TMEM135: variants seen among roughly 807,000 people sequenced by gnomAD.
The protein encoded by TMEM135 is peroxisomal membrane protein 52.
Under a neutral mutation model 60.3 loss-of-function variants are expected in TMEM135, and 30 were observed. That is an observed-to-expected ratio of 0.50 (90% CI 0.37 to 0.68). The LOEUF is 0.68. Among genes scored for constraint, TMEM135 ranks in the 30% least tolerant of loss-of-function variants. TMEM135 has a pLI of 0.00. For missense variants in TMEM135, 468 were observed against 548.8 expected (o/e 0.85, Z 1.47); for synonymous variants, 190 against 186.7 (o/e 1.02, Z -0.14).
At chr11:87,127,878 GA>G (rs5793239) in intron 4 of TMEM135, among the ~76,000 whole-genome samples, 72,506 of 151,814 alleles carry the variant, frequency 0.48, 17,596 homozygotes, top group East Asian at 0.67. Flanking sequence ...GTTATTGAAT[GA>G]AAAAAAATGC....
rs1026222945 is a variant in TMEM135 at position 87,305,804 on chromosome 11, T to TAAATAAATAAAGAAAGAAAG, written c.699-129_699-128insTAAATAAAGAAAGAAAGAAA. 206 of 412,432 alleles carry TAAATAAATAAAGAAAGAAAG rather than the reference T, an allele frequency of 5.0e-4. 1 individual carries two copies. Among genetic ancestry groups the TAAATAAATAAAGAAAGAAAG allele is most frequent in the South Asian group, 2.5e-3 (45 of 17,676 alleles). 25.5% of individuals were successfully genotyped at this position (412,432 alleles called of 1,614,324 possible). A position where few individuals can be genotyped will look rare whatever the true frequency, so the allele number is the denominator to read the frequency against. ...ATAAATAAATAAATAAATAAATAAA[T>TAAATAAATAAAGAAAGAAAG]AAAGTGATGTTTTCTTCTCTCTCTT... On this transcript the variant is annotated intron_variant, in intron 8 of 14. Coordinates refer to ENST00000305494, the MANE Select transcript of TMEM135 (RefSeq NM_022918.4).
intron 6 of TMEM135, among the ~76,000 whole-genome samples, chr11:87,245,161 T>C (rs1460970418): frequency 6.7e-6 from 1 of 149,534 alleles, no homozygotes; most frequent in African/African-American, 2.5e-5. Context: ...TTGAGCGGTT[T>C]TGAGTGAGTT....
intron 5 of TMEM135, among the ~76,000 whole-genome samples, chr11:87,195,232 TTC>T (rs139843276): frequency 0.029 from 4,395 of 151,858 alleles, 206 homozygotes; most frequent in African/African-American, 0.098. Context: ...TGTCTTCTTT[TTC>T]TTTTTTTAAA....
chr11:87,309,434 G>T, intron 9 of TMEM135, 71 bp from the exon 10 acceptor site: 1 of 1,517,290 alleles, frequency 6.6e-7, no homozygotes, highest in Non-Finnish European at 9.1e-7. Context: ...TTTTGAGATG[G>T]TAAAATTCGT....
At chr11:87,062,702 A>G (rs1304243465) in intron 1 of TMEM135, among the ~76,000 whole-genome samples, 3 of 151,790 alleles carry the variant, frequency 2.0e-5, no homozygotes, top group African/African-American at 7.3e-5. Context: ...TGACCTTGTG[A>G]TCCATCTGCC....
rs1317764090 is a variant in TMEM135 at position 87,071,109 on chromosome 11, T to C, written c.270-414T>C. On this transcript the variant is annotated intron_variant, in intron 2 of 14. Coordinates refer to ENST00000305494, the MANE Select transcript of TMEM135 (RefSeq NM_022918.4). ...CTGAATGAATGTGGCCGGCTGTTAC[T>C]GAAAGGAGTGTTACCCATTAGTTGT... Among the ~76,000 whole-genome samples, 3 of 152,220 alleles carry C rather than the reference T, an allele frequency of 2.0e-5. No individual in the cohort carries two copies. In the East Asian group the frequency reaches 5.8e-4, roughly 29 times the overall value.
chr11:87,134,018 ATT>A (rs34749280), intron 4 of TMEM135, among the ~76,000 whole-genome samples: 6 of 149,796 alleles, frequency 4.0e-5, no homozygotes, highest in African/African-American at 7.3e-5. Context: ...ATATGCTTTC[ATT>A]TTTTTTTTTC....
intron 6 of TMEM135, among the ~76,000 whole-genome samples, chr11:87,273,915 A>G (rs1941918615): frequency 6.6e-6 from 1 of 152,104 alleles, no homozygotes; most frequent in African/African-American, 2.4e-5. Context: ...TTTGGTAAAC[A>G]TTGTTTACTT....
chr11:87,252,898 G>A (rs977635340), intron 6 of TMEM135, among the ~76,000 whole-genome samples: 2 of 150,634 alleles, frequency 1.3e-5, no homozygotes, highest in African/African-American at 4.9e-5. Context: ...ATGAAATGAG[G>A]CACTTCTATT....
rs1219260340 is a variant in TMEM135 at position 87,322,211 on chromosome 11, G to T, written c.*878G>T. The T allele has an allele frequency of 1.1e-5, 5 of 454,236 alleles. No individual in the cohort carries two copies. The highest frequency in any genetic ancestry group is 6.9e-5 in the East Asian group (1 of 14,410). 28.1% of individuals were successfully genotyped at this position (454,236 alleles called of 1,614,324 possible). ...TTCATAGCTCAGTTTATATGCCATT[G>T]TTGTATTAGAAGGGATCAAAATCCT... On this transcript the variant is annotated 3_prime_UTR_variant, in exon 15 of 15. Transcript: ENST00000305494.
At chr11:87,285,006 T>G (rs1260995126) in intron 6 of TMEM135, among the ~76,000 whole-genome samples, 1 of 152,230 alleles carries the variant, frequency 6.6e-6, no homozygotes, top group Admixed American at 6.5e-5. Flanking sequence ...CATAGTAAAT[T>G]GAAATAATCA....
chr11:87,240,981 C>G lies in TMEM135; in HGVS notation c.509+4297C>G, dbSNP rs185766514. ...CTGATGTCAACATTGTGCAGCATGG[C>G]AGTTTCAGTTAGAAATCAGTGTAAG... On this transcript the variant is annotated intron_variant, in intron 6 of 14. Coordinates refer to ENST00000305494, the MANE Select transcript of TMEM135 (RefSeq NM_022918.4). Among the ~76,000 whole-genome samples the G allele has an allele frequency of 3.0e-3, 451 of 152,198 alleles. 1 individual carries two copies. Among genetic ancestry groups the G allele is most frequent in the African/African-American group, 9.9e-3 (412 of 41,540 alleles).
At chr11:87,240,061 A>AATG (rs1323016700) in intron 6 of TMEM135, among the ~76,000 whole-genome samples, 2 of 152,082 alleles carry the variant, frequency 1.3e-5, no homozygotes, top group African/African-American at 4.8e-5. Flanking sequence ...GAAATGCTTC[A>AATG]AGGCTTGGGC....
chr11:87,212,487 G>T (rs1042690658), intron 5 of TMEM135, among the ~76,000 whole-genome samples: 5 of 152,112 alleles, frequency 3.3e-5, no homozygotes, highest in Non-Finnish European at 7.4e-5. Context: ...GCAGATGAAA[G>T]GTTAGCAGTG....
intron 5 of TMEM135, among the ~76,000 whole-genome samples, chr11:87,166,029 G>C (rs953503921): frequency 6.6e-6 from 1 of 150,998 alleles, no homozygotes; most frequent in Non-Finnish European, 1.5e-5. Flanking sequence ...ACTCTCCCAA[G>C]ACTAAACCAG....
At chr11:87,195,311 C>CCT (rs1939908701) in intron 5 of TMEM135, among the ~76,000 whole-genome samples, 2 of 137,958 alleles carry the variant, frequency 1.4e-5, no homozygotes, top group African/African-American at 5.7e-5. Context: ...CTCTTTCTTT[C>CCT]TCTTTCCTTC....
At chr11:87,124,271 A>G (rs923984192) in intron 4 of TMEM135, among the ~76,000 whole-genome samples, 1 of 152,206 alleles carries the variant, frequency 6.6e-6, no homozygotes, top group African/African-American at 2.4e-5. Context: ...TCAGGAAAAA[A>G]TGGAACTAGG....
At chr11:87,135,621 C>T (rs973074097) in intron 4 of TMEM135, among the ~76,000 whole-genome samples, 1 of 151,692 alleles carries the variant, frequency 6.6e-6, no homozygotes, top group Non-Finnish European at 1.5e-5. Flanking sequence ...AAACCCAAAC[C>T]ATGCGGTCTT....
At chr11:87,040,686 G>A (rs1347520937) in intron 1 of TMEM135, among the ~76,000 whole-genome samples, 1 of 151,730 alleles carries the variant, frequency 6.6e-6, no homozygotes, top group South Asian at 2.1e-4. Context: ...AGGGATCAGG[G>A]TATCAGGATT....
Sources: gnomAD v4.1 joint callset for allele counts (sites outside exome capture counted in the v4.1 genomes callset) on GRCh38, gnomAD v4.1.1 for gene constraint, MANE v1.5 for transcripts, NCBI Gene and HGNC (gene_info 2026-07-23, HGNC 2026-07-21) for gene names.